CTDSPL2: variants seen among roughly 807,000 people sequenced by gnomAD.
CTDSPL2 encodes CTD small phosphatase like 2.
A neutral mutation model predicts 60.0 loss-of-function variants in CTDSPL2; 5 were observed. That is an observed-to-expected ratio of 0.08 (90% CI 0.04 to 0.18). The LOEUF is 0.18. CTDSPL2 is among the 10% of genes least tolerant of loss of function. CTDSPL2 has a pLI of 1.00. For synonymous variants in CTDSPL2, 186 were observed against 189.3 expected, an observed-to-expected ratio of 0.98 and a Z score of 0.14; for missense variants, 370 against 548.8, an observed-to-expected ratio of 0.67 and a Z score of 3.26.
chr15:44,459,229 C>A, intron 2 of CTDSPL2, 29 bp downstream of exon 2: 2 of 1,528,500 alleles, frequency 1.3e-6, no homozygotes, highest in South Asian at 1.2e-5. Context: ...ACTTTCATAT[C>A]ATTAAAAGTG....
Position 44,522,961 on chromosome 15 carries a change from C to T in CTDSPL2, c.1336-1148C>T, listed in dbSNP as rs188554265. ...CCTCTATTGCTTGATGAAACTTTGG[C>T]AGGATGTAGTGGTGCACACCTATTT... On this transcript the variant is annotated intron_variant, in intron 12 of 12. Coordinates refer to ENST00000260327, the MANE Select transcript of CTDSPL2 (RefSeq NM_016396.3). Among the ~76,000 whole-genome samples the T allele has an allele frequency of 2.2e-3, 342 of 152,070 alleles. 3 individuals carry two copies. The highest frequency in any genetic ancestry group is 1.7e-3 in the Non-Finnish European group (115 of 67,982).
intron 5 of CTDSPL2, among the ~76,000 whole-genome samples, chr15:44,495,337 C>T (rs2081280631): frequency 6.7e-6 from 1 of 150,320 alleles, no homozygotes; most frequent in East Asian, 2.1e-4. Context: ...AATTCTAGCA[C>T]TTTGGGAGGC....
chr15:44,467,146 C>G (rs1328792062), intron 2 of CTDSPL2, among the ~76,000 whole-genome samples: 1 of 152,202 alleles, frequency 6.6e-6, no homozygotes, highest in Non-Finnish European at 1.5e-5. Flanking sequence ...TATTGCCTTG[C>G]TCTGTCTGCT....
At chr15:44,452,941 G>A (rs981146459) in intron 1 of CTDSPL2, among the ~76,000 whole-genome samples, 12 of 151,936 alleles carry the variant, frequency 7.9e-5, no homozygotes, top group Non-Finnish European at 1.8e-4. Context: ...TGATATGTGC[G>A]TTTTGTGAAT....
intron 2 of CTDSPL2, among the ~76,000 whole-genome samples, chr15:44,483,174 G>T (rs939282491): frequency 6.6e-6 from 1 of 151,456 alleles, no homozygotes. Flanking sequence ...CAGGAGAATC[G>T]CTTGAACCCA....
intron 3 of CTDSPL2, among the ~76,000 whole-genome samples, chr15:44,484,825 G>A (rs888527318): frequency 8.5e-5 from 13 of 152,258 alleles, no homozygotes; most frequent in African/African-American, 2.4e-4. Flanking sequence ...AAATAAAAAT[G>A]TGCTAATTTG....
intron 10 of CTDSPL2, chr15:44,518,930 G>T: frequency 3.8e-6 from 1 of 265,766 alleles, no homozygotes; most frequent in Non-Finnish European, 7.1e-6. Flanking sequence ...ATAACATTTT[G>T]GGATAAACTC....
chr15:44,509,105 G>A (rs538123567), intron 8 of CTDSPL2, among the ~76,000 whole-genome samples: 36 of 152,178 alleles, frequency 2.4e-4, no homozygotes, highest in African/African-American at 8.2e-4. Context: ...TATATAATTC[G>A]ATGTGAGTTT....
intron 5 of CTDSPL2, among the ~76,000 whole-genome samples, chr15:44,492,334 T>G (rs895957936): frequency 1.3e-5 from 2 of 152,136 alleles, no homozygotes; most frequent in African/African-American, 4.8e-5. Flanking sequence ...AGATCCAGTC[T>G]TGGGAAAGAC....
intron 8 of CTDSPL2, among the ~76,000 whole-genome samples, chr15:44,501,114 A>G (rs1423438027): frequency 6.6e-6 from 1 of 152,102 alleles, no homozygotes; most frequent in East Asian, 1.9e-4. Flanking sequence ...TGTAAATAGT[A>G]TAGTGATATC....
At chr15:44,434,448 C>T (rs2079931816) in intron 1 of CTDSPL2, among the ~76,000 whole-genome samples, 2 of 152,270 alleles carry the variant, frequency 1.3e-5, no homozygotes, top group Admixed American at 6.5e-5. Context: ...GGCTGGAGTA[C>T]AATGGCACAG....
At chr15:44,456,277 C>T (rs2140684415) in intron 1 of CTDSPL2, among the ~76,000 whole-genome samples, 1 of 152,224 alleles carries the variant, frequency 6.6e-6, no homozygotes, top group South Asian at 2.1e-4. Context: ...GGGAGGATTC[C>T]CTCTTTTTCT....
At chr15:44,481,795 A>G (rs879559437) in intron 2 of CTDSPL2, among the ~76,000 whole-genome samples, 10 of 152,070 alleles carry the variant, frequency 6.6e-5, no homozygotes, top group Admixed American at 1.3e-4. Context: ...CTGGTCCCGA[A>G]CTCCCAACCT....
At chr15:44,506,060 C>CAT (rs1472802202) in intron 8 of CTDSPL2, among the ~76,000 whole-genome samples, 1 of 122,768 alleles carries the variant, frequency 8.1e-6, no homozygotes, top group Non-Finnish European at 1.6e-5. Flanking sequence ...GACAGAGTCT[C>CAT]AATCTGTTGC....
intron 2 of CTDSPL2, among the ~76,000 whole-genome samples, chr15:44,474,024 C>T (rs750606676): frequency 1.1e-4 from 17 of 152,118 alleles, no homozygotes; most frequent in South Asian, 2.1e-4. Flanking sequence ...GATGGGGTTT[C>T]GCCGTGTTGC....
At chr15:44,441,981 G>A (rs906738210) in intron 1 of CTDSPL2, among the ~76,000 whole-genome samples, 1 of 152,108 alleles carries the variant, frequency 6.6e-6, no homozygotes, top group Admixed American at 6.6e-5. Flanking sequence ...GATTGATAGT[G>A]GAAAGAGAGA....
intron 1 of CTDSPL2, chr15:44,447,946 C>T (rs1012868140): frequency 1.7e-5 from 3 of 177,522 alleles, no homozygotes; most frequent in Middle Eastern, 2.3e-3. Context: ...AGTGTCTGGC[C>T]CATGACGGGA....
chr15:44,473,995 A>G (rs1413202700), intron 2 of CTDSPL2, among the ~76,000 whole-genome samples: 8 of 152,028 alleles, frequency 5.3e-5, no homozygotes, highest in Middle Eastern at 3.2e-3. Context: ...CACCGGGCTA[A>G]TTTTTATATT....
At chr15:44,464,265 A>G (rs576273827) in intron 2 of CTDSPL2, among the ~76,000 whole-genome samples, 2 of 152,324 alleles carry the variant, frequency 1.3e-5, no homozygotes, top group Admixed American at 1.3e-4. Context: ...TACAAACCAT[A>G]TGAGATAGGT....
Sources: gnomAD v4.1 joint callset for allele counts (sites outside exome capture counted in the v4.1 genomes callset) on GRCh38, gnomAD v4.1.1 for gene constraint, MANE v1.5 for transcripts, NCBI Gene and HGNC (gene_info 2026-07-23, HGNC 2026-07-21) for gene names.